The following EXOC3L4 variants were observed in gnomAD, a reference collection of about 807,000 sequenced individuals.
EXOC3L4 encodes exocyst complex component 3 like 4, also known as exocyst complex component 3-like protein 4.
Under a neutral mutation model 69.7 loss-of-function variants are expected in EXOC3L4, and 62 were observed. The ratio of observed to expected loss-of-function variants is 0.89; its 90% CI spans 0.72 to 1.10. EXOC3L4 has a LOEUF of 1.10. Ranked by LOEUF, EXOC3L4 falls within the 50% of genes least tolerant of loss-of-function variation. EXOC3L4 has a pLI of 0.00. For missense variants in EXOC3L4, 1,087 were observed against 1,034.8 expected (o/e 1.05, Z -0.69); for synonymous variants, 502 against 464.2 (o/e 1.08, Z -1.05).
At chr14:103,103,389 GAA>G (rs1208834623) in intron 3 of EXOC3L4, among the ~76,000 whole-genome samples, 1 of 145,628 alleles carries the variant, frequency 6.9e-6, no homozygotes, top group African/African-American at 2.5e-5. Flanking sequence ...AGAAAGAAAA[GAA>G]AAAAGAAAAG....
rs777299619 is a variant in EXOC3L4 at position 103,104,951 on chromosome 14, G to C, written c.1386-41G>C. On this transcript the variant is annotated intron_variant, in intron 6 of 11. Transcript: ENST00000688303. ...AGGGTGGACCCAGGGTCATCGCGCA[G>C]CTAGGGAGGGTCCCCAAAGGCTCTG... The C allele has an allele frequency of 3.6e-5, 57 of 1,595,304 alleles. No homozygotes were observed. The South Asian group carries it at 4.8e-4, about 13-fold the overall frequency.
rs1890850799 is a variant in EXOC3L4 at position 103,110,153 on chromosome 14, C to T, written c.2099C>T (p.Pro700Leu). The T allele has an allele frequency of 1.3e-6, 2 of 1,544,306 alleles. No individual in the cohort carries two copies. Among genetic ancestry groups the T allele is most frequent in the South Asian group, 1.2e-5 (1 of 83,452 alleles). Residue 700 changes from proline (P) to leucine (L), a missense_variant, in exon 12 of 12, where the codon CCT (proline) becomes CTT (leucine). Pro to Leu is a moderately conservative substitution (Grantham distance 98). Transcript: ENST00000688303. ...GCCGGGGCGGCGGGTGCGGAGGCCCCTCGGGGCCGCGTGCTCTTCGAGGAG... is the reference window on the plus strand; with the variant it reads ...GCCGGGGCGGCGGGTGCGGAGGCCCTTCGGGGCCGCGTGCTCTTCGAGGAG... ...AAAGAAGAEA[P>L]RGRVLFEEIK...
intron 10 of EXOC3L4, 93 bp from the exon 11 acceptor site, chr14:103,108,303 A>T: frequency 6.6e-7 from 1 of 1,525,416 alleles, no homozygotes. Flanking sequence ...ACGCTGCGGG[A>T]GGGCTGACCT....
rs554477485 is a variant in EXOC3L4 at position 103,100,588 on chromosome 14, G to A, written c.369G>A (p.Ala123=). ...GCCAGCAGGCATCCACTGGGGCAGCGTCTGAGGAACTGAAACCCGAGGCAG... is the reference window on the plus strand; with the variant it reads ...GCCAGCAGGCATCCACTGGGGCAGCATCTGAGGAACTGAAACCCGAGGCAG... ...GVSQQASTGA[A]SEELKPEAEG... is the part of the protein sequence containing the mutation. Residue 123 remains alanine (A), a synonymous_variant, in exon 2 of 12, where the codon GCG becomes GCA. Coordinates refer to ENST00000688303, the MANE Select transcript of EXOC3L4 (RefSeq NM_001077594.2). 138 of 1,605,586 alleles carry A rather than the reference G, an allele frequency of 8.6e-5. 3 individuals are homozygous for A. Among genetic ancestry groups the A allele is most frequent in the South Asian group, 6.2e-4 (56 of 90,656 alleles).
At chr14:103,103,717 C>G in intron 3 of EXOC3L4, 1 of 526,858 alleles carries the variant, frequency 1.9e-6, no homozygotes, top group Non-Finnish European at 3.3e-6. Context: ...CGTCCTTCAG[C>G]GTTCTGCAGG....
Position 103,102,042 on chromosome 14 carries a change from C to G in EXOC3L4, c.395-76C>G, listed in dbSNP as rs1316227690. 2.5e-5 allele frequency: 36 copies of G among 1,437,600 alleles called. 1 individual carries two copies. The highest frequency in any genetic ancestry group is 3.3e-5 in the Non-Finnish European group (35 of 1,061,644). The allele number at this position is 1,437,600 out of a possible 1,614,324, so 89.1% of individuals were successfully genotyped here. A position where few individuals can be genotyped will look rare whatever the true frequency, so the allele number is the denominator to read the frequency against. The stretch of plus-strand genomic sequence containing the variant: ...ACAATCCAGCCCCGATGGATTGAGC[C>G]GTGGCCTGCAGGTCTTCGTCCAGGT... On this transcript the variant is annotated intron_variant, in intron 2 of 11. Coordinates refer to ENST00000688303, the MANE Select transcript of EXOC3L4 (RefSeq NM_001077594.2).
chr14:103,103,793 C>CGGGT, intron 3 of EXOC3L4, 148 bp from the exon 4 acceptor site: 1 of 452,702 alleles, frequency 2.2e-6, no homozygotes, highest in Non-Finnish European at 3.8e-6. Context: ...TAGAGGCGCG[C>CGGGT]GCGCGTGTGT....
At position 103,107,758 on chromosome 14, in the gene EXOC3L4, C is replaced by T. The variant is rs962429528; in HGVS notation, c.1829C>T (p.Ala610Val). Residue 610 changes from alanine to valine, a missense_variant, in exon 10 of 12, where the codon GCC (alanine) becomes GTC (valine). Coordinates refer to ENST00000688303, the MANE Select transcript of EXOC3L4 (RefSeq NM_001077594.2). ...CAGAAGATGAGCCTGGATGCCCAGG[C>T]CATCAGCGACACCTTCCAGGGCCTG... is the stretch of plus-strand genomic sequence containing the variant. The part of the protein sequence containing the change: ...GSQKMSLDAQ[A>V]ISDTFQGLGS... 6.5e-7 allele frequency: 1 copy of T among 1,536,208 alleles called. No homozygotes were observed. The highest frequency in any genetic ancestry group is 8.8e-7 in the Non-Finnish European group (1 of 1,136,300).
chr14:103,095,899 G>A (rs1266996525), intron 1 of EXOC3L4, among the ~76,000 whole-genome samples: 1 of 152,198 alleles, frequency 6.6e-6, no homozygotes, highest in East Asian at 1.9e-4. Context: ...CTCCTTCCCA[G>A]TGTTTACATC....
At chr14:103,104,887 C>A in intron 6 of EXOC3L4, 49 bp downstream of exon 6, 1 of 1,542,128 alleles carries the variant, frequency 6.5e-7, no homozygotes, top group Non-Finnish European at 8.8e-7. Flanking sequence ...GTGCGCTCTG[C>A]AGGTGGGAGG....
upstream of EXOC3L4, among the ~76,000 whole-genome samples, chr14:103,094,485 C>G (rs533819655): frequency 5.9e-5 from 9 of 152,318 alleles, no homozygotes; most frequent in Admixed American, 2.6e-4. Context: ...GCGTCCACCC[C>G]CTGCTGCCTC....
In EXOC3L4 at chr14:103,108,488, G is replaced by A. The variant is rs759429676; in HGVS notation, c.1947G>A (p.Glu649=). The change falls in exon 11 of 12, where the codon GAG becomes GAA. Residue 649 remains glutamate (E), a synonymous_variant. Transcript: ENST00000688303. ...AAGATGACATCCAGCGGCACCTGGA[G>A]ACTCTTATCCGGAGCTACCCCGACA... ...TYKDDIQRHL[E]TLIRSYPDIR... is the part of the protein sequence containing the mutation. 8.7e-6 allele frequency: 14 copies of A among 1,613,816 alleles called. No homozygotes were observed. The highest frequency in any genetic ancestry group is 1.2e-5 in the Non-Finnish European group (14 of 1,179,880).
At chr14:103,104,215 G>A (rs1890396763) in intron 4 of EXOC3L4, 52 bp from the exon 5 acceptor site, 1 of 1,498,124 alleles carries the variant, frequency 6.7e-7, no homozygotes, top group Non-Finnish European at 8.9e-7. Flanking sequence ...CCCGGACGGC[G>A]CGGGACGGGG....
At chr14:103,098,406 C>T (rs983147197) in intron 1 of EXOC3L4, among the ~76,000 whole-genome samples, 1 of 152,090 alleles carries the variant, frequency 6.6e-6, no homozygotes, top group Non-Finnish European at 1.5e-5. Context: ...GAGTGCGCGG[C>T]CAGGGGCAGA....
At chr14:103,104,874 C>T (rs1257967622) in intron 6 of EXOC3L4, 36 bp downstream of exon 6, 2 of 1,526,618 alleles carry the variant, frequency 1.3e-6, no homozygotes, top group Non-Finnish European at 1.8e-6. Context: ...GCGACCTGGC[C>T]GGGTGCGCTC....
chr14:103,107,977 T>C (rs1016714101), intron 10 of EXOC3L4, among the ~76,000 whole-genome samples, 194 bp downstream of exon 10: 6 of 152,148 alleles, frequency 3.9e-5, no homozygotes, highest in Middle Eastern at 3.4e-3. Flanking sequence ...TTTGCATACA[T>C]TTGCATACAG....
intron 2 of EXOC3L4, 70 bp downstream of exon 2, chr14:103,100,683 T>G (rs61418148): frequency 2.7e-6 from 4 of 1,486,714 alleles, no homozygotes. Context: ...TCAGCTGAGG[T>G]TTCCGGAAAG....
chr14:103,099,741 G>T (rs531174558), intron 1 of EXOC3L4, among the ~76,000 whole-genome samples: 63 of 152,230 alleles, frequency 4.1e-4, no homozygotes, highest in African/African-American at 1.4e-3. Context: ...GGACCTGGAG[G>T]GCAGTGAAGG....
chr14:103,096,073 C>G (rs750352094), intron 1 of EXOC3L4, among the ~76,000 whole-genome samples: 1 of 152,076 alleles, frequency 6.6e-6, no homozygotes, highest in Admixed American at 6.6e-5. Context: ...TTTATAGGGC[C>G]GGGCATGGTG....
Sources: allele counts gnomAD v4.1 joint callset (sites outside exome capture counted in the v4.1 genomes callset), GRCh38; gene constraint gnomAD v4.1.1; transcripts MANE v1.5; gene names NCBI Gene and HGNC (gene_info 2026-07-23, HGNC 2026-07-21).